Variants in USP34 observed in about 807,000 individuals in gnomAD.
USP34 encodes the protein ubiquitin specific peptidase 34, also known as ubiquitin carboxyl-terminal hydrolase 34.
A neutral mutation model predicts 460.3 loss-of-function variants in USP34; 70 were observed. The ratio of observed to expected loss-of-function variants is 0.15; its 90% confidence interval spans 0.13 to 0.19. The LOEUF is 0.19. Ranked by LOEUF, USP34 falls within the 10% of genes least tolerant of loss-of-function variation. The pLI is 1.00. For synonymous variants in USP34, 1,647 were observed against 1,405.3 expected, an observed-to-expected ratio of 1.17 and a Z score of -3.85; for missense variants, 3,985 against 4,236.2, an observed-to-expected ratio of 0.94 and a Z score of 1.65.
At chr2:61,331,789 T>TAA (rs1558534088) in intron 19 of USP34, among the ~76,000 whole-genome samples, 1 of 146,312 alleles carries the variant, frequency 6.8e-6, no homozygotes, top group Non-Finnish European at 1.5e-5. Flanking sequence ...AAAATTTTTT[T>TAA]TAAAAAAATC....
At position 61,204,619 on chromosome 2, in the gene USP34, G is replaced by C; in HGVS notation, c.9155-18C>G. ...GAGGACATCTGAAAATAAAAACAAAGTTTGGGTAGCAAAAAATTAAGAGTT... is the reference window on the plus strand; with the variant it reads ...GAGGACATCTGAAAATAAAAACAAACTTTGGGTAGCAAAAAATTAAGAGTT... On this transcript the variant is annotated intron_variant, in intron 72 of 79. Coordinates refer to ENST00000398571, the MANE Select transcript of USP34 (RefSeq NM_014709.4). 1 of 1,600,840 alleles carries C rather than the reference G, an allele frequency of 6.2e-7. No homozygotes were observed. The highest frequency in any genetic ancestry group is 8.5e-7 in the Non-Finnish European group (1 of 1,170,946).
At chr2:61,189,643 G>C (rs984201762) in intron 78 of USP34, 1 of 152,312 alleles carries the variant, frequency 6.6e-6, no homozygotes, top group African/African-American at 2.4e-5. Context: ...ACCAAAGCCT[G>C]AAATAGTGTT....
Position 61,280,312 on chromosome 2 carries a change from C to A in USP34, c.5188G>T (p.Gly1730Ter). 1 of 1,556,280 alleles carries A rather than the reference C, an allele frequency of 6.4e-7. No homozygotes were observed. The highest frequency in any genetic ancestry group is 1.3e-5 in the South Asian group (1 of 78,488). ...DYEEEPILKP[G>*]CKEYFWLLCK... ...AACAACCAAAAATACTCTTTACATC[C>A]TGGTTTTAATATTGGTTCTTCCTCA... The change falls in exon 39 of 80, where the codon GGA (glycine) becomes TGA (stop). Residue 1730 changes from glycine (G) to a stop codon, truncating the protein, a stop_gained. Coordinates refer to ENST00000398571, the MANE Select transcript of USP34 (RefSeq NM_014709.4). LOFTEE classifies it high-confidence loss of function.
chr2:61,378,852 C>T (rs1692875796), intron 7 of USP34, among the ~76,000 whole-genome samples: 1 of 134,734 alleles, frequency 7.4e-6, no homozygotes, highest in Admixed American at 8.5e-5. Context: ...TTGCAGTGAG[C>T]CAAGATCGCG....
chr2:61,429,350 G>A (rs921167482), intron 1 of USP34, among the ~76,000 whole-genome samples: 2 of 152,144 alleles, frequency 1.3e-5, no homozygotes, highest in African/African-American at 4.8e-5. Flanking sequence ...GGGAGGCTGA[G>A]GCAGGAGAAT....
At chr2:61,221,302 C>T (rs1456757511) in intron 66 of USP34, among the ~76,000 whole-genome samples, 200 bp downstream of exon 66, 1 of 152,124 alleles carries the variant, frequency 6.6e-6, no homozygotes, top group African/African-American at 2.4e-5. Flanking sequence ...TTCAAATTGG[C>T]TAAAGCTGTT....
chr2:61,387,837 A>G lies in USP34; in HGVS notation c.754-4501T>C, dbSNP rs184540954. Among the ~76,000 whole-genome samples the G allele has an allele frequency of 8.4e-3, 1,252 of 149,686 alleles. 17 individuals are homozygous for G. Among genetic ancestry groups the G allele is most frequent in the Non-Finnish European group, 0.014 (918 of 67,562 alleles). ...TACACACATGTAAAAATATATTTTTACGTATACACACATGTAAAAATATAT... is the reference window on the plus strand; with the variant it reads ...TACACACATGTAAAAATATATTTTTGCGTATACACACATGTAAAAATATAT... On this transcript the variant is annotated intron_variant, in intron 5 of 79. Transcript: ENST00000398571.
chr2:61,221,420 G>A, intron 66 of USP34, 82 bp downstream of exon 66: 2 of 1,247,496 alleles, frequency 1.6e-6, no homozygotes, highest in Non-Finnish European at 2.2e-6. Context: ...TAAGAAACTG[G>A]TACTTAAAAT....
chr2:61,287,367 G>C (rs537843153), intron 34 of USP34, among the ~76,000 whole-genome samples: 1 of 152,304 alleles, frequency 6.6e-6, no homozygotes, highest in South Asian at 2.1e-4. Context: ...CACTGACGGA[G>C]ATGTTGGAAA....
At chr2:61,329,266 T>C (rs539532561) in intron 20 of USP34, among the ~76,000 whole-genome samples, 1 of 152,228 alleles carries the variant, frequency 6.6e-6, no homozygotes, top group South Asian at 2.1e-4. Context: ...CCTCAGGTGA[T>C]CTGCCTGCCT....
intron 53 of USP34, 91 bp downstream of exon 53, chr2:61,241,469 A>G: frequency 1.2e-6 from 1 of 857,024 alleles, no homozygotes; most frequent in Non-Finnish European, 1.8e-6. Context: ...TGCAGATATC[A>G]ACCTGTAGAA....
At chr2:61,346,172 G>C (rs899180491) in intron 15 of USP34, 1 of 151,928 alleles carries the variant, frequency 6.6e-6, no homozygotes, top group Admixed American at 6.6e-5. Context: ...CTAATCCTGT[G>C]TTATCCAATA....
intron 1 of USP34, among the ~76,000 whole-genome samples, chr2:61,462,277 G>A (rs922837604): frequency 4.6e-5 from 7 of 150,838 alleles, no homozygotes; most frequent in Non-Finnish European, 1.0e-4. Context: ...AGCCAGGCGT[G>A]GTGGCTCATG....
chr2:61,337,673 G>T (rs1691464929), intron 18 of USP34, among the ~76,000 whole-genome samples: 2 of 152,066 alleles, frequency 1.3e-5, no homozygotes, highest in Non-Finnish European at 1.5e-5. Flanking sequence ...GCCCATGCTG[G>T]TCTCAGTCCT....
intron 1 of USP34, among the ~76,000 whole-genome samples, chr2:61,436,134 G>C (rs1377608563): frequency 6.6e-6 from 1 of 152,042 alleles, no homozygotes; most frequent in Admixed American, 6.6e-5. Flanking sequence ...CACCCACAGA[G>C]CCTGGCCAAC....
Position 61,214,603 on chromosome 2 carries a change from G to A in USP34, c.8139C>T (p.Asp2713=), listed in dbSNP as rs753684050. The A allele has an allele frequency of 1.2e-6, 2 of 1,614,186 alleles. No individual in the cohort carries two copies. Among genetic ancestry groups the A allele is most frequent in the South Asian group, 2.2e-5 (2 of 91,084 alleles). The change falls in exon 68 of 80, where the codon GAC becomes GAT. Residue 2713 remains aspartate (D), a synonymous_variant. Coordinates refer to ENST00000398571, the MANE Select transcript of USP34 (RefSeq NM_014709.4). ...CTGTTGTGTCTGGACTGAGTGGAAG[G>A]TCACGGGTTGGGATGTGCAAAGACC... The part of the protein sequence containing the change: ...STRSLHIPTR[D]LPLSPDTTVV...
At chr2:61,283,779 C>A (rs1380476116) in intron 35 of USP34, among the ~76,000 whole-genome samples, 1 of 152,086 alleles carries the variant, frequency 6.6e-6, no homozygotes, top group African/African-American at 2.4e-5. Flanking sequence ...CCACACTCAG[C>A]TAATTTTTGC....
At position 61,194,145 on chromosome 2, in the gene USP34, GTCAC is replaced by G. The variant is rs377059786; in HGVS notation, c.9509-1169_9509-1166del. 1,094 of 985,416 alleles carry G rather than the reference GTCAC, an allele frequency of 1.1e-3. 10 individuals are homozygous for G. In the African/African-American group the frequency reaches 0.017, roughly 16 times the overall value. 61.0% of individuals were successfully genotyped at this position (985,416 alleles called of 1,614,324 possible). On this transcript the variant is annotated intron_variant, in intron 75 of 79. Transcript: ENST00000398571. ...AGAACATCCTACACAGGCAAGTCAG[GTCAC>G]TCACTCAGAACTTACCAAGGATGCC...
chr2:61,404,585 A>C (rs1218095562), intron 3 of USP34, among the ~76,000 whole-genome samples: 1 of 152,162 alleles, frequency 6.6e-6, no homozygotes, highest in South Asian at 2.1e-4. Flanking sequence ...AATCTACCCT[A>C]GTGGAAAATA....
Sources: gnomAD v4.1 joint callset for allele counts (sites outside exome capture counted in the v4.1 genomes callset) on GRCh38, gnomAD v4.1.1 for gene constraint, MANE v1.5 for transcripts, NCBI Gene and HGNC (gene_info 2026-07-23, HGNC 2026-07-21) for gene names.